The following ITGA11 variants were observed in gnomAD, a reference collection of about 807,000 sequenced individuals.
ITGA11 encodes the protein integrin subunit alpha 11.
A neutral mutation model predicts 141.9 loss-of-function variants in ITGA11; 97 were observed. The ratio of observed to expected loss-of-function variants is 0.68; its 90% CI spans 0.58 to 0.81. The LOEUF is 0.81. Ranked by LOEUF, ITGA11 falls within the 30% of genes least tolerant of loss-of-function variation. The pLI is 0.00. For missense variants in ITGA11, 1,387 were observed against 1,559.2 expected (o/e 0.89, Z 1.86); for synonymous variants, 658 against 624.6 (o/e 1.05, Z -0.80).
Position 68,353,508 on chromosome 15 carries a change from G to T in ITGA11, c.750-2106C>A, listed in dbSNP as rs183407458. On this transcript the variant is annotated intron_variant, in intron 7 of 29. Transcript: ENST00000315757. Reference sequence around the variant, plus strand: ...AAAAAAGCATGGCAGGAGCAAAACAGGTTTTATTATATATGGACCCAAGAA... The same window carrying T: ...AAAAAAGCATGGCAGGAGCAAAACATGTTTTATTATATATGGACCCAAGAA... 9.8e-4 allele frequency among the ~76,000 whole-genome samples: 149 copies of T among 152,154 alleles called. No individual in the cohort carries two copies. The Middle Eastern group carries it at 0.017, about 17-fold the overall frequency.
At chr15:68,390,297 C>T (rs1450165649) in intron 2 of ITGA11, among the ~76,000 whole-genome samples, 2 of 152,120 alleles carry the variant, frequency 1.3e-5, no homozygotes, top group African/African-American at 2.4e-5. Flanking sequence ...CTGTTTACTG[C>T]GGGCCCTTGA....
intron 1 of ITGA11, among the ~76,000 whole-genome samples, chr15:68,420,332 C>T (rs1896986667): frequency 6.6e-6 from 1 of 152,226 alleles, no homozygotes; most frequent in Admixed American, 6.5e-5. Context: ...TGTGTCATCT[C>T]AGAGTCATAG....
intron 2 of ITGA11, among the ~76,000 whole-genome samples, chr15:68,387,778 A>C (rs759254542): frequency 1.3e-5 from 2 of 152,072 alleles, no homozygotes; most frequent in Non-Finnish European, 2.9e-5. Flanking sequence ...TAGAGCTGGA[A>C]GTCCTTACGA....
chr15:68,403,057 G>T, intron 1 of ITGA11, 28 bp from the exon 2 acceptor site: 2 of 1,500,008 alleles, frequency 1.3e-6, no homozygotes, highest in African/African-American at 1.4e-5. Flanking sequence ...GAGAGGAGAA[G>T]CAGGGGAGTC....
Position 68,304,132 on chromosome 15 carries a change from C to T in ITGA11, c.3382-247G>A, listed in dbSNP as rs1056038511. The stretch of plus-strand genomic sequence containing the variant: ...TCCTTGAGACACTTGCTGCCTTTGG[C>T]CTCAGGCCCCCGCCACTCCCTGGAT... On this transcript the variant is annotated intron_variant, in intron 28 of 29. Coordinates refer to ENST00000315757, the MANE Select transcript of ITGA11 (RefSeq NM_001004439.2). The surrounding 1 kb of genome is among the most constrained non-coding windows in gnomAD (Gnocchi z 6.1). 6.6e-6 allele frequency among the ~76,000 whole-genome samples: 1 copy of T among 152,156 alleles called. No individual in the cohort carries two copies. Among genetic ancestry groups the T allele is most frequent in the Non-Finnish European group, 1.5e-5 (1 of 68,014 alleles).
At chr15:68,356,587 A>G (rs1015986235) in intron 7 of ITGA11, among the ~76,000 whole-genome samples, 1 of 152,190 alleles carries the variant, frequency 6.6e-6, no homozygotes, top group African/African-American at 2.4e-5. Flanking sequence ...CTGCAACAAT[A>G]TTCCCCATTC....
intron 11 of ITGA11, among the ~76,000 whole-genome samples, chr15:68,336,785 G>A (rs1163048033): frequency 6.6e-6 from 1 of 152,212 alleles, no homozygotes; most frequent in Non-Finnish European, 1.5e-5. Context: ...GTGTGTGTGT[G>A]CACATATATG....
At chr15:68,368,485 C>T (rs11633614) in intron 3 of ITGA11, among the ~76,000 whole-genome samples, 2,835 of 152,328 alleles carry the variant, frequency 0.019, 47 homozygotes, top group South Asian at 0.034. Flanking sequence ...CAAACACACA[C>T]GAGTAGATTT....
chr15:68,298,656 C>T lies in ITGA11; in HGVS notation c.*4403G>A, dbSNP rs1014845746. The stretch of plus-strand genomic sequence containing the variant: ...TAAAAATAAGAAAGATGGACTCTGT[C>T]CTTGATAAGCTTGTTCTCCATTTAG... On this transcript the variant is annotated 3_prime_UTR_variant, in exon 30 of 30. Coordinates refer to ENST00000315757, the MANE Select transcript of ITGA11 (RefSeq NM_001004439.2). 1.3e-5 allele frequency: 2 copies of T among 151,246 alleles called. No homozygotes were observed. The highest frequency in any genetic ancestry group is 2.9e-5 in the Non-Finnish European group (2 of 67,816). The allele number at this position is 151,246 out of a possible 1,614,324, so 9.4% of individuals were successfully genotyped here. A position where few individuals can be genotyped will look rare whatever the true frequency, so the allele number is the denominator to read the frequency against.
In ITGA11 at chr15:68,326,762, C is replaced by T. The variant is rs377434761; in HGVS notation, c.2103G>A (p.Arg701=). Residue 701 remains arginine, a synonymous_variant, in exon 17 of 30, where the codon CGG becomes CGA. Coordinates refer to ENST00000315757, the MANE Select transcript of ITGA11 (RefSeq NM_001004439.2). This position sits in a 1 kb window ranked among gnomAD's most constrained non-coding sequence, Gnocchi z 6.8. ...CGTCCAGGTGGGCCCTCGGTGTATA[C>T]CGCCTCTCATCCATGGTGGCGTTGT... is the stretch of plus-strand genomic sequence containing the variant. ...IRYNATMDER[R]YTPRAHLDEG... 3 of 1,581,208 alleles carry T rather than the reference C, an allele frequency of 1.9e-6. No individual in the cohort carries two copies. Among genetic ancestry groups the T allele is most frequent in the Non-Finnish European group, 2.6e-6 (3 of 1,163,194 alleles).
intron 7 of ITGA11, among the ~76,000 whole-genome samples, chr15:68,354,164 C>A (rs1157890804): frequency 6.6e-6 from 1 of 150,962 alleles, no homozygotes; most frequent in Admixed American, 6.6e-5. Context: ...TTCTAGTATG[C>A]TGTTATTTAT....
At position 68,397,804 on chromosome 15, in the gene ITGA11, A is replaced by T. The variant is rs922336231; in HGVS notation, c.164+5114T>A. Among the ~76,000 whole-genome samples, 9 of 104,774 alleles carry T rather than the reference A, an allele frequency of 8.6e-5. 1 individual carries two copies. The highest frequency in any genetic ancestry group is 3.9e-4 in the African/African-American group (8 of 20,672). The allele number at this position is 104,774 out of a possible 152,430, so 68.7% of individuals were successfully genotyped here. ...TATTTAAAATAATATAAAATTATTAATAATAATATTATATATTATTATATA... is the reference window on the plus strand; with the variant it reads ...TATTTAAAATAATATAAAATTATTATTAATAATATTATATATTATTATATA... On this transcript the variant is annotated intron_variant, in intron 2 of 29. Transcript: ENST00000315757.
At chr15:68,365,366 A>T in intron 3 of ITGA11, 1 of 986,276 alleles carries the variant, frequency 1.0e-6, no homozygotes, top group Non-Finnish European at 1.2e-6. Flanking sequence ...TGCCATTCTG[A>T]AGGAGGCTGC....
intron 2 of ITGA11, among the ~76,000 whole-genome samples, chr15:68,387,852 C>G (rs1345487522): frequency 6.6e-6 from 1 of 152,142 alleles, no homozygotes; most frequent in Non-Finnish European, 1.5e-5. Flanking sequence ...ACAGCACCTC[C>G]TCTGACCCTT....
chr15:68,348,566 T>C (rs1402250122), intron 10 of ITGA11, among the ~76,000 whole-genome samples: 1 of 152,184 alleles, frequency 6.6e-6, no homozygotes, highest in African/African-American at 2.4e-5. Flanking sequence ...GTCCTACAGA[T>C]TGTACGTTAT....
intron 1 of ITGA11, among the ~76,000 whole-genome samples, chr15:68,427,012 C>CAAAAAA (rs148867034): frequency 8.4e-5 from 4 of 47,828 alleles, no homozygotes; most frequent in Admixed American, 6.3e-4. Flanking sequence ...AAGACTGTCT[C>CAAAAAA]AAAAAAAAAA....
chr15:68,397,259 TATTATAAAA>T (rs1896303834), intron 2 of ITGA11, among the ~76,000 whole-genome samples: 35 of 44 alleles, frequency 0.8, 16 homozygotes, highest in Admixed American at 1. Context: ...TTTTATAAAA[TATTATAAAA>T]ATATTAAATT....
chr15:68,357,817 GT>G (rs1356432438), intron 6 of ITGA11, among the ~76,000 whole-genome samples: 1 of 152,152 alleles, frequency 6.6e-6, no homozygotes, highest in Non-Finnish European at 1.5e-5. Context: ...AGCCCACAGG[GT>G]TTATTTGGCA....
At chr15:68,429,074 T>G (rs986177989) in intron 1 of ITGA11, among the ~76,000 whole-genome samples, 34 of 152,232 alleles carry the variant, frequency 2.2e-4, no homozygotes, top group Non-Finnish European at 5.9e-5. Flanking sequence ...ATATCTTGAG[T>G]GCTACTGCTG....
Sources: allele counts gnomAD v4.1 joint callset (sites outside exome capture counted in the v4.1 genomes callset), GRCh38; gene constraint gnomAD v4.1.1; non-coding constraint Gnocchi (gnomAD v3.1); transcripts MANE v1.5; gene names NCBI Gene and HGNC (gene_info 2026-07-23, HGNC 2026-07-21).